The following HOOK3 variants were observed in gnomAD, a reference collection of about 807,000 sequenced individuals.
HOOK3 encodes hook microtubule tethering protein 3.
Under a neutral mutation model 116.3 loss-of-function variants are expected in HOOK3, and 24 were observed. The ratio of observed to expected loss-of-function variants is 0.21; its 90% CI spans 0.15 to 0.29. The LOEUF is 0.29. Among genes scored for constraint, HOOK3 ranks in the 10% least tolerant of loss-of-function variants. HOOK3 has a pLI of 1.00. For missense variants in HOOK3, 632 were observed against 830.2 expected (o/e 0.76, Z 2.93); for synonymous variants, 275 against 283.0 (o/e 0.97, Z 0.28).
intron 3 of HOOK3, among the ~76,000 whole-genome samples, chr8:42,927,685 A>G (rs752701167): frequency 3.4e-4 from 52 of 152,074 alleles, no homozygotes; most frequent in Non-Finnish European, 6.9e-4. Context: ...GCTCACTGCA[A>G]CCTCCACCTC....
chr8:42,941,806 G>A (rs1808133418), intron 4 of HOOK3, among the ~76,000 whole-genome samples: 1 of 151,986 alleles, frequency 6.6e-6, no homozygotes, highest in African/African-American at 2.4e-5. Flanking sequence ...GGACCCTACT[G>A]TTTTTGGAGT....
At chr8:43,009,031 C>T (rs893095492) in intron 18 of HOOK3, among the ~76,000 whole-genome samples, 3 of 152,000 alleles carry the variant, frequency 2.0e-5, no homozygotes, top group African/African-American at 7.2e-5. Flanking sequence ...AGCAATTTGG[C>T]AGGCCAAGGT....
In HOOK3 at chr8:42,982,730, A is replaced by G. The variant is rs777307484; in HGVS notation, c.1391+34A>G. 33 of 1,368,010 alleles carry G rather than the reference A, an allele frequency of 2.4e-5. 1 individual carries two copies. In the Admixed American group the frequency reaches 4.9e-4, roughly 20 times the overall value. The allele number at this position is 1,368,010 out of a possible 1,614,324, so 84.7% of individuals were successfully genotyped here. A position where few individuals can be genotyped will look rare whatever the true frequency, so the allele number is the denominator to read the frequency against. On this transcript the variant is annotated intron_variant, in intron 14 of 21. Coordinates refer to ENST00000307602, the MANE Select transcript of HOOK3 (RefSeq NM_032410.4). ...ATTGTGGTGTTCACACTTACACTGC[A>G]CAGTATTCTTGGAGAAAACGTACTT... is the stretch of plus-strand genomic sequence containing the variant.
chr8:42,903,728 C>T (rs1330082912), intron 1 of HOOK3, among the ~76,000 whole-genome samples: 1 of 41,850 alleles, frequency 2.4e-5, no homozygotes, highest in Non-Finnish European at 4.4e-5. Context: ...GAGGCTAAGG[C>T]GGGCGGATGA....
intron 4 of HOOK3, among the ~76,000 whole-genome samples, chr8:42,930,859 T>C (rs1041671391): frequency 1.3e-5 from 2 of 152,186 alleles, no homozygotes; most frequent in African/African-American, 4.8e-5. Flanking sequence ...ACCTTCAAAA[T>C]AGATCTTTCT....
At chr8:42,901,205 T>C (rs779854853) in intron 1 of HOOK3, among the ~76,000 whole-genome samples, 11 of 152,168 alleles carry the variant, frequency 7.2e-5, no homozygotes, top group Non-Finnish European at 1.6e-4. Flanking sequence ...CATGCTTTTG[T>C]TGGGGAGGGG....
intron 15 of HOOK3, among the ~76,000 whole-genome samples, chr8:42,990,325 CTTTTTTTTTTTTTTTTTTTTTTTTTT>C (rs59033055): frequency 2.6e-5 from 1 of 37,882 alleles, no homozygotes; most frequent in Non-Finnish European, 5.3e-5. Flanking sequence ...CTGTTTAGAT[CTTTTTTTTTTTTTTTTTTTTTTTTTT>C]TTTTTTTTTT....
intron 4 of HOOK3, among the ~76,000 whole-genome samples, chr8:42,936,331 G>T (rs1191202095): frequency 1.3e-5 from 2 of 152,182 alleles, no homozygotes; most frequent in Non-Finnish European, 2.9e-5. Flanking sequence ...CATGTCATCT[G>T]CAAACAGAGA....
rs550104275 is a variant in HOOK3 at position 42,994,536 on chromosome 8, G to A, written c.1533-3014G>A. 217 of 294,814 alleles carry A rather than the reference G, an allele frequency of 7.4e-4. 3 individuals are homozygous for A. Among genetic ancestry groups the A allele is most frequent in the African/African-American group, 4.7e-3 (205 of 43,822 alleles). 18.3% of individuals were successfully genotyped at this position (294,814 alleles called of 1,614,324 possible). On this transcript the variant is annotated intron_variant, in intron 15 of 21. Transcript: ENST00000307602. ...ATCATTTGTTTCAATAAATTTTTCAGTTTCCTTGTTGATTTCTTCACTGAC... is the reference window on the plus strand; with the variant it reads ...ATCATTTGTTTCAATAAATTTTTCAATTTCCTTGTTGATTTCTTCACTGAC...
At chr8:42,914,556 G>T (rs575044493) in intron 2 of HOOK3, among the ~76,000 whole-genome samples, 3 of 152,216 alleles carry the variant, frequency 2.0e-5, no homozygotes, top group Non-Finnish European at 2.9e-5. Flanking sequence ...CTTCAATATG[G>T]CCCTTCACCT....
At chr8:42,922,579 T>C (rs1807677576) in intron 2 of HOOK3, among the ~76,000 whole-genome samples, 1 of 149,190 alleles carries the variant, frequency 6.7e-6, no homozygotes, top group Admixed American at 6.7e-5. Context: ...TTAAAAACTT[T>C]GTTTGCAAAA....
At chr8:42,942,226 T>G (rs1808141449) in intron 4 of HOOK3, among the ~76,000 whole-genome samples, 1 of 152,206 alleles carries the variant, frequency 6.6e-6, no homozygotes, top group South Asian at 2.1e-4. Flanking sequence ...CACTCCAGCC[T>G]GGGCAACAAG....
chr8:42,990,770 G>A (rs921234621), intron 15 of HOOK3, among the ~76,000 whole-genome samples: 1 of 152,096 alleles, frequency 6.6e-6, no homozygotes, highest in Non-Finnish European at 1.5e-5. Context: ...CCATTCTGTC[G>A]GTTGTCTCTC....
Position 43,019,709 on chromosome 8 carries a change from T to G in HOOK3, c.*1211T>G, listed in dbSNP as rs1357712507. 1 of 204,480 alleles carries G rather than the reference T, an allele frequency of 4.9e-6. No individual in the cohort carries two copies. Among genetic ancestry groups the G allele is most frequent in the African/African-American group, 2.3e-5 (1 of 43,792 alleles). The allele number at this position is 204,480 out of a possible 1,614,324, so 12.7% of individuals were successfully genotyped here. ...TGTTGAATAATCATTGTAAAGCACT[T>G]TGTATATATAAGGTGCTATATAAGT... On this transcript the variant is annotated 3_prime_UTR_variant, in exon 22 of 22. Transcript: ENST00000307602.
chr8:42,977,964 C>G (rs1223920727), intron 13 of HOOK3, among the ~76,000 whole-genome samples: 1 of 152,162 alleles, frequency 6.6e-6, no homozygotes, highest in Admixed American at 6.5e-5. Context: ...TGTGTACTAT[C>G]ATAAACATTG....
intron 8 of HOOK3, among the ~76,000 whole-genome samples, chr8:42,959,690 G>A (rs559196129): frequency 1.6e-5 from 2 of 125,760 alleles, no homozygotes; most frequent in Admixed American, 2.0e-4. Flanking sequence ...CTGCACTCCA[G>A]CCTGGGTGAC....
intron 16 of HOOK3, 126 bp from the exon 17 acceptor site, chr8:43,001,981 C>A: frequency 1.6e-6 from 1 of 617,846 alleles, no homozygotes; most frequent in Non-Finnish European, 2.9e-6. Flanking sequence ...GTGTTTTCAG[C>A]TCTTTGACCA....
chr8:42,899,449 CAT>C (rs748196966), intron 1 of HOOK3, among the ~76,000 whole-genome samples: 1 of 152,158 alleles, frequency 6.6e-6, no homozygotes, highest in Non-Finnish European at 1.5e-5. Context: ...CTTTAAAAGA[CAT>C]GTTTCAAAAT....
Position 42,906,349 on chromosome 8 carries a change from C to T in HOOK3, c.143+91C>T, listed in dbSNP as rs562485973. The T allele has an allele frequency of 2.6e-4, 235 of 894,566 alleles. 3 individuals are homozygous for T. The highest frequency in any genetic ancestry group is 2.4e-3 in the South Asian group (173 of 73,380). The allele number at this position is 894,566 out of a possible 1,614,324, so 55.4% of individuals were successfully genotyped here. ...GGATTAAAAAAGTACTTACATGAAA[C>T]GTGTGTAGAGTAAGAGTTGTAGGCG... is the stretch of plus-strand genomic sequence containing the variant. On this transcript the variant is annotated intron_variant, in intron 2 of 21. Coordinates refer to ENST00000307602, the MANE Select transcript of HOOK3 (RefSeq NM_032410.4).
Sources: allele counts gnomAD v4.1 joint callset (sites outside exome capture counted in the v4.1 genomes callset), GRCh38; gene constraint gnomAD v4.1.1; transcripts MANE v1.5; gene names NCBI Gene and HGNC (gene_info 2026-07-23, HGNC 2026-07-21).